FBXL20: variants seen among roughly 807,000 people sequenced by gnomAD.
FBXL20 encodes the protein F-box and leucine rich repeat protein 20, also known as F-box/LRR-repeat protein 20.
A neutral mutation model predicts 64.0 loss-of-function variants in FBXL20; 11 were observed. The observed-to-expected ratio is 0.17, with a 90% CI of 0.11 to 0.28. FBXL20 has a LOEUF of 0.28. FBXL20 is among the 10% of genes least tolerant of loss of function. The pLI is 1.00. For missense variants in FBXL20, 303 were observed against 526.2 expected (o/e 0.58, Z 4.15); for synonymous variants, 184 against 189.0 (o/e 0.97, Z 0.22).
chr17:39,316,897 G>C (rs771802689), intron 2 of FBXL20, among the ~76,000 whole-genome samples: 4 of 152,248 alleles, frequency 2.6e-5, no homozygotes, highest in Admixed American at 1.3e-4. Context: ...GCTGAGGAAT[G>C]AGAAGCACTT....
intron 10 of FBXL20, among the ~76,000 whole-genome samples, chr17:39,271,522 C>T (rs985351157): frequency 2.7e-5 from 4 of 146,944 alleles, no homozygotes; most frequent in African/African-American, 7.6e-5. Context: ...CGCTTGAACC[C>T]GGGAGGCGGA....
rs769075714 is a variant in FBXL20 at position 39,343,188 on chromosome 17, G to A, written c.96C>T (p.Leu32=). ...AVINKKLPKE[L]LLRIFSFLDV... is the part of the protein sequence containing the mutation. Reference sequence around the variant, plus strand: ...TTAGCATTCAGACTTACCGTAACAGGAGTTCTTTGGGAAGTTTTTTATTGA... The same window carrying A: ...TTAGCATTCAGACTTACCGTAACAGAAGTTCTTTGGGAAGTTTTTTATTGA... Residue 32 remains leucine, a synonymous_variant, in exon 2 of 15, where the codon CTC becomes CTT. Coordinates refer to ENST00000264658, the MANE Select transcript of FBXL20 (RefSeq NM_032875.3). The A allele has an allele frequency of 3.7e-6, 6 of 1,602,108 alleles. No individual in the cohort carries two copies. The East Asian group carries it at 1.4e-4, about 36-fold the overall frequency.
chr17:39,381,866 G>T (rs1330949190), intron 1 of FBXL20, among the ~76,000 whole-genome samples: 1 of 150,556 alleles, frequency 6.6e-6, no homozygotes, highest in Admixed American at 6.7e-5. Context: ...GGAAGCCGAG[G>T]GGGGCGGATC....
At chr17:39,326,339 C>A (rs1482660309) in intron 2 of FBXL20, among the ~76,000 whole-genome samples, 1 of 151,946 alleles carries the variant, frequency 6.6e-6, no homozygotes. Context: ...AATGAATAAC[C>A]TAAAGAACTA....
chr17:39,401,569 C>G lies in FBXL20; in HGVS notation c.-167G>C. On this transcript the variant is annotated 5_prime_UTR_variant, in exon 1 of 15. Coordinates refer to ENST00000264658, the MANE Select transcript of FBXL20 (RefSeq NM_032875.3). ...CCTCTCGGCTCCGGCTAGGCCTCCA[C>G]CACCTCCCGCGGCGCCGGCGGCCGC... 7.1e-7 allele frequency: 1 copy of G among 1,408,672 alleles called. No homozygotes were observed. The highest frequency in any genetic ancestry group is 9.2e-7 in the Non-Finnish European group (1 of 1,090,106). 87.3% of individuals were successfully genotyped at this position (1,408,672 alleles called of 1,614,324 possible). A position where few individuals can be genotyped will look rare whatever the true frequency, so the allele number is the denominator to read the frequency against.
intron 1 of FBXL20, among the ~76,000 whole-genome samples, chr17:39,373,258 C>T (rs1481753921): frequency 6.6e-6 from 1 of 152,120 alleles, no homozygotes; most frequent in Non-Finnish European, 1.5e-5. Flanking sequence ...TTAAGTATAA[C>T]TTATCTTTTA....
At chr17:39,340,355 A>G (rs573861273) in intron 2 of FBXL20, among the ~76,000 whole-genome samples, 2 of 151,920 alleles carry the variant, frequency 1.3e-5, no homozygotes, top group Non-Finnish European at 2.9e-5. Flanking sequence ...TCGGCCTCCC[A>G]AAGTGCTAGG....
intron 2 of FBXL20, among the ~76,000 whole-genome samples, chr17:39,339,622 G>T (rs2047562510): frequency 6.6e-6 from 1 of 151,612 alleles, no homozygotes; most frequent in Non-Finnish European, 1.5e-5. Context: ...TACAGTTGAA[G>T]AATTTGAATA....
chr17:39,287,685 A>G (rs2047000969), intron 6 of FBXL20, among the ~76,000 whole-genome samples: 1 of 152,190 alleles, frequency 6.6e-6, no homozygotes, highest in Non-Finnish European at 1.5e-5. Flanking sequence ...GATTACAAGC[A>G]TGATCCACCA....
rs530989218 is a variant in FBXL20, at chr17:39,320,552, C to G, written c.105-16913G>C. Reference sequence around the variant, plus strand: ...ACAGATGGAAATATTAAAGCTTAGACTGATTTCTGATAGTGCCCTGTCCAG... The same window carrying G: ...ACAGATGGAAATATTAAAGCTTAGAGTGATTTCTGATAGTGCCCTGTCCAG... On this transcript the variant is annotated intron_variant, in intron 2 of 14. Coordinates refer to ENST00000264658, the MANE Select transcript of FBXL20 (RefSeq NM_032875.3). Among the ~76,000 whole-genome samples, 28 of 151,274 alleles carry G rather than the reference C, an allele frequency of 1.9e-4. No individual in the cohort carries two copies. The South Asian group carries it at 5.6e-3, about 31-fold the overall frequency.
chr17:39,320,128 G>C lies in FBXL20; in HGVS notation c.105-16489C>G, dbSNP rs1051938993. On this transcript the variant is annotated intron_variant, in intron 2 of 14. Transcript: ENST00000264658. ...TTTGTTTCTTATATAAACTAGTTTT[G>C]TAACTTGCTTTGTTGACACAATAGA... Among the ~76,000 whole-genome samples the C allele has an allele frequency of 2.0e-5, 3 of 152,118 alleles. No individual in the cohort carries two copies. In the East Asian group the frequency reaches 5.8e-4, roughly 29 times the overall value.
rs560603705 is a variant in FBXL20, at chr17:39,254,376, A to G, written c.*7084T>C. On this transcript the variant is annotated 3_prime_UTR_variant, in exon 15 of 15. Coordinates refer to ENST00000264658, the MANE Select transcript of FBXL20 (RefSeq NM_032875.3). The stretch of plus-strand genomic sequence containing the variant: ...AGTTTTCTTCTTCCAATTTAACAAA[A>G]AAGACGTCACTTCAAAGATGATCCT... 1 of 152,500 alleles carries G rather than the reference A, an allele frequency of 6.6e-6. No homozygotes were observed. Among genetic ancestry groups the G allele is most frequent in the South Asian group, 2.1e-4 (1 of 4,824 alleles). The allele number at this position is 152,500 out of a possible 1,614,324, so 9.4% of individuals were successfully genotyped here.
chr17:39,275,217 A>G (rs2144367940), intron 9 of FBXL20, 117 bp from the exon 10 acceptor site: 1 of 1,067,936 alleles, frequency 9.4e-7, no homozygotes, highest in East Asian at 2.6e-5. Flanking sequence ...CATGCTTAAC[A>G]CATTCATCAG....
rs1458189454 is a variant in FBXL20, at chr17:39,304,540, T to G, written c.105-901A>C. Among the ~76,000 whole-genome samples, 5 of 152,170 alleles carry G rather than the reference T, an allele frequency of 3.3e-5. No individual in the cohort carries two copies. The East Asian group carries it at 9.6e-4, about 29-fold the overall frequency. ...GCTGAGCTCAAGCAATCCTCCTGCC[T>G]CAGACTACCAAAGTGCTAGGACTGC... On this transcript the variant is annotated intron_variant, in intron 2 of 14. Transcript: ENST00000264658.
intron 7 of FBXL20, among the ~76,000 whole-genome samples, chr17:39,284,866 A>T (rs2046975339): frequency 6.6e-6 from 1 of 152,194 alleles, no homozygotes; most frequent in Non-Finnish European, 1.5e-5. Context: ...GTGTTTGCTT[A>T]AAGTACCTGG....
intron 1 of FBXL20, among the ~76,000 whole-genome samples, chr17:39,347,512 C>A (rs1448783519): frequency 6.6e-6 from 1 of 152,024 alleles, no homozygotes; most frequent in Non-Finnish European, 1.5e-5. Context: ...CTGTTCATAT[C>A]CTTTGCCCAC....
intron 1 of FBXL20, among the ~76,000 whole-genome samples, chr17:39,349,014 G>A (rs1227552234): frequency 1.3e-5 from 2 of 152,000 alleles, no homozygotes; most frequent in East Asian, 1.9e-4. Flanking sequence ...CACTTTGGGA[G>A]GCTGAGGCGG....
At chr17:39,308,026 C>T (rs2047198492) in intron 2 of FBXL20, among the ~76,000 whole-genome samples, 1 of 151,034 alleles carries the variant, frequency 6.6e-6, no homozygotes. Flanking sequence ...ATGATTTCAA[C>T]TGTATTCTAA....
intron 6 of FBXL20, among the ~76,000 whole-genome samples, chr17:39,287,007 G>C (rs1171142714): frequency 6.7e-6 from 1 of 150,170 alleles, no homozygotes; most frequent in African/African-American, 2.5e-5. Context: ...CCGCCTCCTG[G>C]GTTCAAGCAA....
Sources: allele counts gnomAD v4.1 joint callset (sites outside exome capture counted in the v4.1 genomes callset), GRCh38; gene constraint gnomAD v4.1.1; transcripts MANE v1.5; gene names NCBI Gene and HGNC (gene_info 2026-07-23, HGNC 2026-07-21).